The following RECK variants were observed in gnomAD, a reference collection of about 807,000 sequenced individuals.
RECK encodes reversion-inducing cysteine-rich protein with Kazal motifs.
A neutral mutation model predicts 115.1 loss-of-function variants in RECK; 69 were observed. The ratio of observed to expected loss-of-function variants is 0.60; its 90% CI spans 0.49 to 0.73. The LOEUF (loss-of-function observed/expected upper bound fraction) is 0.73, where lower values mean the gene tolerates loss of function less well. Ranked by LOEUF, RECK falls within the 30% of genes least tolerant of loss-of-function variation. The pLI is 0.00. For missense variants in RECK, 1,047 were observed against 1,203.7 expected (o/e 0.87, Z 1.93); for synonymous variants, 414 against 419.7 (o/e 0.99, Z 0.17).
At position 36,036,939 on chromosome 9, in the gene RECK, A is replaced by G. The variant is rs1179079938; in HGVS notation, c.-60A>G. 3.2e-5 allele frequency: 36 copies of G among 1,141,960 alleles called. No individual in the cohort carries two copies. The South Asian group carries it at 8.1e-4, about 26-fold the overall frequency. The allele number at this position is 1,141,960 out of a possible 1,614,324, so 70.7% of individuals were successfully genotyped here. A position where few individuals can be genotyped will look rare whatever the true frequency, so the allele number is the denominator to read the frequency against. On this transcript the variant is annotated 5_prime_UTR_variant, in exon 1 of 21. Transcript: ENST00000377966. ...CGCGAGCGGCGGCGGTAGCGGCGGC[A>G]GCGGCTGCGGCCAAGCTGGGTCCGA...
intron 11 of RECK, 90 bp from the exon 12 acceptor site, chr9:36,102,004 T>C: frequency 7.9e-7 from 1 of 1,272,066 alleles, no homozygotes; most frequent in South Asian, 1.4e-5. Context: ...GAAAGCTTAC[T>C]TTCTGGAAAG....
intron 5 of RECK, among the ~76,000 whole-genome samples, chr9:36,064,903 G>A (rs1821925812): frequency 6.6e-6 from 1 of 152,002 alleles, no homozygotes; most frequent in Non-Finnish European, 1.5e-5. Context: ...TGGAAAAACA[G>A]CCACCCCTCA....
At position 36,094,531 on chromosome 9, in the gene RECK, AAAG is replaced by A. The variant is rs1316483974; in HGVS notation, c.1085+3193_1085+3195del. Among the ~76,000 whole-genome samples, 50 of 152,282 alleles carry A rather than the reference AAAG, an allele frequency of 3.3e-4. No individual in the cohort carries two copies. Among genetic ancestry groups the A allele is most frequent in the African/African-American group, 1.1e-3 (44 of 41,586 alleles). ...ACTAAAATAATACTTGATCCATCCA[AAAG>A]AAGACAGAAAGAAAAAGGAGACAAA... On this transcript the variant is annotated intron_variant, in intron 10 of 20. Transcript: ENST00000377966. This position sits in a 1 kb window ranked among gnomAD's most constrained non-coding sequence, Gnocchi z 4.1.
At chr9:36,055,736 T>C (rs887147413) in intron 2 of RECK, among the ~76,000 whole-genome samples, 1 of 152,150 alleles carries the variant, frequency 6.6e-6, no homozygotes, top group African/African-American at 2.4e-5. Flanking sequence ...ATTCAGAGTG[T>C]ATTTCCAACT....
chr9:36,069,048 A>T (rs954459332), intron 6 of RECK, among the ~76,000 whole-genome samples: 4 of 152,272 alleles, frequency 2.6e-5, no homozygotes, highest in Non-Finnish European at 4.4e-5. Context: ...TGGGATTTCC[A>T]CGGATAAAGT....
intron 15 of RECK, among the ~76,000 whole-genome samples, chr9:36,110,662 A>G (rs1587086677): frequency 6.6e-6 from 1 of 152,240 alleles, no homozygotes; most frequent in Admixed American, 6.5e-5. Context: ...ATATCTTGGT[A>G]TCTGCTTTTT....
intron 12 of RECK, among the ~76,000 whole-genome samples, chr9:36,102,954 T>C (rs1259371568): frequency 1.5e-5 from 2 of 133,314 alleles, no homozygotes; most frequent in Admixed American, 7.6e-5. Flanking sequence ...AGACTCTGTC[T>C]AAAAAAAAAA....
chr9:36,043,339 G>T (rs1358641966), intron 1 of RECK, among the ~76,000 whole-genome samples: 1 of 149,792 alleles, frequency 6.7e-6, no homozygotes, highest in Admixed American at 6.6e-5. Flanking sequence ...ACCGAGTCCG[G>T]CTCCTTAGCC....
At chr9:36,117,253 A>C in intron 17 of RECK, 76 bp downstream of exon 17, 1 of 1,202,092 alleles carries the variant, frequency 8.3e-7, no homozygotes, top group Non-Finnish European at 1.2e-6. Context: ...ATGAATCAAC[A>C]GTAAGACCAG....
At chr9:36,069,909 C>CA (rs376746208) in intron 6 of RECK, among the ~76,000 whole-genome samples, 1,531 of 152,282 alleles carry the variant, frequency 0.01, 29 homozygotes, top group African/African-American at 0.033. Flanking sequence ...TTCCCAGTAG[C>CA]AACAGAGGAA....
chr9:36,082,753 A>C (rs1389564050), intron 7 of RECK, among the ~76,000 whole-genome samples: 1 of 152,234 alleles, frequency 6.6e-6, no homozygotes, highest in African/African-American at 2.4e-5. Context: ...ACTCTTACAG[A>C]TAGATGTTCA....
At chr9:36,076,685 G>GC (rs1299979594) in intron 6 of RECK, among the ~76,000 whole-genome samples, 1 of 152,254 alleles carries the variant, frequency 6.6e-6, no homozygotes, top group East Asian at 1.9e-4. Context: ...ATTGAGAGCA[G>GC]CTACCAGAGG....
At chr9:36,089,318 C>T (rs894786249) in intron 9 of RECK, among the ~76,000 whole-genome samples, 4 of 152,182 alleles carry the variant, frequency 2.6e-5, no homozygotes, top group African/African-American at 9.7e-5. Context: ...AAGGCTTTTC[C>T]TTCTCTCTAA....
chr9:36,094,836 A>G lies in RECK; in HGVS notation c.1085+3493A>G, dbSNP rs1823278576. Reference sequence around the variant, plus strand: ...CCTAAAGAGAGAGAAATATTCAATCATATTCAGAAATGTTAACACCTCTCC... The same window carrying G: ...CCTAAAGAGAGAGAAATATTCAATCGTATTCAGAAATGTTAACACCTCTCC... On this transcript the variant is annotated intron_variant, in intron 10 of 20. Coordinates refer to ENST00000377966, the MANE Select transcript of RECK (RefSeq NM_021111.3). The surrounding 1 kb of genome is among the most constrained non-coding windows in gnomAD (Gnocchi z 4.1). Among the ~76,000 whole-genome samples, 1 of 152,210 alleles carries G rather than the reference A, an allele frequency of 6.6e-6. No homozygotes were observed. The highest frequency in any genetic ancestry group is 1.5e-5 in the Non-Finnish European group (1 of 68,032).
At chr9:36,092,349 C>T (rs1463442134) in intron 10 of RECK, among the ~76,000 whole-genome samples, 1 of 151,728 alleles carries the variant, frequency 6.6e-6, no homozygotes, top group Non-Finnish European at 1.5e-5. Context: ...GGAGACTGAT[C>T]AAAAGCAGGA....
rs1351744236 is a variant in RECK at position 36,123,424 on chromosome 9, T to C, written c.*379T>C. The C allele has an allele frequency of 5.9e-6, 1 of 168,170 alleles. No homozygotes were observed. Among genetic ancestry groups the C allele is most frequent in the Non-Finnish European group, 1.3e-5 (1 of 78,664 alleles). 10.4% of individuals were successfully genotyped at this position (168,170 alleles called of 1,614,324 possible). A position where few individuals can be genotyped will look rare whatever the true frequency, so the allele number is the denominator to read the frequency against. On this transcript the variant is annotated 3_prime_UTR_variant, in exon 21 of 21. Coordinates refer to ENST00000377966, the MANE Select transcript of RECK (RefSeq NM_021111.3). Reference sequence around the variant, plus strand: ...GTTCACAAACTTCATTTCAGAGTTCTTTTTGAAGTATTTAAGGTTCCCGTT... The same window carrying C: ...GTTCACAAACTTCATTTCAGAGTTCCTTTTGAAGTATTTAAGGTTCCCGTT...
rs750931097 is a variant in RECK, at chr9:36,037,037, C to T, written c.39C>T (p.Leu13=). The T allele has an allele frequency of 6.8e-5, 97 of 1,417,566 alleles. No homozygotes were observed. The highest frequency in any genetic ancestry group is 8.2e-5 in the Non-Finnish European group (89 of 1,081,582). 87.8% of individuals were successfully genotyped at this position (1,417,566 alleles called of 1,614,324 possible). Residue 13 remains leucine, a synonymous_variant, in exon 1 of 21, where the codon CTC becomes CTT. Transcript: ENST00000377966. ...TVRASLRGAL[L]LLLAVAGVAE... Reference sequence around the variant, plus strand: ...GGGCCTCTCTGCGAGGTGCGCTGCTCCTTCTGCTGGCCGTGGCGGGGGTCG... The same window carrying T: ...GGGCCTCTCTGCGAGGTGCGCTGCTTCTTCTGCTGGCCGTGGCGGGGGTCG...
intron 7 of RECK, among the ~76,000 whole-genome samples, chr9:36,081,856 C>A (rs1332390754): frequency 1.3e-5 from 2 of 149,738 alleles, no homozygotes; most frequent in Non-Finnish European, 3.0e-5. Flanking sequence ...AAAATTTGTT[C>A]TTTGTGAAGA....
At chr9:36,087,296 G>A (rs994719239) in intron 8 of RECK, among the ~76,000 whole-genome samples, 16 of 152,204 alleles carry the variant, frequency 1.1e-4, no homozygotes, top group Non-Finnish European at 1.5e-5. Context: ...CTACACCATG[G>A]AATACTATGC....
Sources: gnomAD v4.1 joint callset for allele counts (sites outside exome capture counted in the v4.1 genomes callset) on GRCh38, gnomAD v4.1.1 for gene constraint, Gnocchi (gnomAD v3.1) non-coding constraint, MANE v1.5 for transcripts, NCBI Gene and HGNC (gene_info 2026-07-23, HGNC 2026-07-21) for gene names.